Variants in TOX observed in about 807,000 individuals in gnomAD.
TOX encodes thymocyte selection-associated high mobility group box protein TOX.
In TOX, 11 loss-of-function variants were observed where a neutral mutation model predicts 53.7. That is an observed-to-expected ratio of 0.20 (90% CI 0.13 to 0.34). The LOEUF is 0.34. TOX is among the 10% of genes least tolerant of loss of function. The pLI, the probability that TOX is intolerant of heterozygous loss-of-function variation, is 1.00. For missense variants in TOX, 570 were observed against 664.6 expected (o/e 0.86, Z 1.56); for synonymous variants, 225 against 245.3 (o/e 0.92, Z 0.77).
chr8:59,046,253 T>G (rs1418946924), intron 1 of TOX, among the ~76,000 whole-genome samples: 1 of 152,168 alleles, frequency 6.6e-6, no homozygotes, highest in Non-Finnish European at 1.5e-5. Flanking sequence ...TCAATATACA[T>G]ACAATAAAAA....
Position 58,941,783 on chromosome 8 carries a change from T to G in TOX, c.169-2239A>C, listed in dbSNP as rs1812445749. On this transcript the variant is annotated intron_variant, in intron 2 of 8. Coordinates refer to ENST00000361421, the MANE Select transcript of TOX (RefSeq NM_014729.3). The stretch of plus-strand genomic sequence containing the variant: ...TTGAAACTCTCCTGGCGGGGCGCGG[T>G]GGCTCATACCTGTAATCCTAGCATT... Among the ~76,000 whole-genome samples the G allele has an allele frequency of 3.9e-5, 6 of 152,096 alleles. No individual in the cohort carries two copies. The South Asian group carries it at 1.2e-3, about 31-fold the overall frequency.
chr8:59,058,830 A>G lies in TOX; in HGVS notation c.102+60056T>C, dbSNP rs535406237. Among the ~76,000 whole-genome samples, 5 of 152,306 alleles carry G rather than the reference A, an allele frequency of 3.3e-5. No homozygotes were observed. The East Asian group carries it at 9.6e-4, about 29-fold the overall frequency. ...ACCAAGGAGCCTTTCTCTGTTTACA[A>G]TTAACAACAACAAAATATCTATTAA... On this transcript the variant is annotated intron_variant, in intron 1 of 8. Coordinates refer to ENST00000361421, the MANE Select transcript of TOX (RefSeq NM_014729.3).
chr8:59,035,017 C>T (rs906404779), intron 1 of TOX, among the ~76,000 whole-genome samples: 1 of 152,096 alleles, frequency 6.6e-6, no homozygotes, highest in African/African-American at 2.4e-5. Context: ...TCTGGAGGTG[C>T]TCTGATCCTC....
chr8:58,848,797 T>C (rs1306217811), intron 4 of TOX, among the ~76,000 whole-genome samples: 1 of 152,148 alleles, frequency 6.6e-6, no homozygotes, highest in Non-Finnish European at 1.5e-5. Context: ...ATTTACAATA[T>C]TCCTGTCTGT....
chr8:59,000,102 C>A (rs1585954194), intron 1 of TOX, among the ~76,000 whole-genome samples: 1 of 152,016 alleles, frequency 6.6e-6, no homozygotes, highest in Non-Finnish European at 1.5e-5. Context: ...TACATCATGT[C>A]TTTTTAGGGG....
chr8:58,933,079 G>A (rs543311336), intron 3 of TOX, among the ~76,000 whole-genome samples: 5 of 151,956 alleles, frequency 3.3e-5, no homozygotes, highest in East Asian at 1.9e-4. Context: ...TCTATAATGC[G>A]TCATTAGGAA....
intron 1 of TOX, among the ~76,000 whole-genome samples, chr8:59,054,928 GAAAA>G (rs1227721816): frequency 1.9e-5 from 2 of 106,230 alleles, no homozygotes; most frequent in African/African-American, 6.7e-5. Flanking sequence ...AAGAAAGAAA[GAAAA>G]AGAAAGAAAG....
At chr8:58,897,620 A>G (rs189675079) in intron 3 of TOX, among the ~76,000 whole-genome samples, 1 of 152,256 alleles carries the variant, frequency 6.6e-6, no homozygotes, top group East Asian at 1.9e-4. Flanking sequence ...TCATGAGGCT[A>G]TAGTCATTCC....
chr8:58,812,328 G>A (rs1810094657), intron 7 of TOX, among the ~76,000 whole-genome samples: 1 of 152,078 alleles, frequency 6.6e-6, no homozygotes, highest in Non-Finnish European at 1.5e-5. Context: ...CCCTGCCCTT[G>A]ACTCTGACCT....
chr8:59,093,992 G>T (rs1804668829), intron 1 of TOX, among the ~76,000 whole-genome samples: 1 of 152,020 alleles, frequency 6.6e-6, no homozygotes, highest in Non-Finnish European at 1.5e-5. Flanking sequence ...ATTAATGTAA[G>T]CCAGCAAACT....
chr8:58,840,131 C>A (rs1043585077), intron 4 of TOX, among the ~76,000 whole-genome samples: 15 of 152,148 alleles, frequency 9.9e-5, no homozygotes, highest in African/African-American at 2.9e-4. Flanking sequence ...ACCTTATAAT[C>A]AGTATGAAAG....
chr8:59,091,644 T>C (rs982668076), intron 1 of TOX, among the ~76,000 whole-genome samples: 2 of 152,192 alleles, frequency 1.3e-5, no homozygotes, highest in African/African-American at 2.4e-5. Context: ...AATTAAATAA[T>C]ACACAGAGCC....
intron 1 of TOX, among the ~76,000 whole-genome samples, chr8:59,111,722 A>G (rs2129424987): frequency 6.6e-6 from 1 of 152,336 alleles, no homozygotes; most frequent in Non-Finnish European, 1.5e-5. Flanking sequence ...GGATCAGACA[A>G]ATAACGTGTA....
intron 1 of TOX, among the ~76,000 whole-genome samples, chr8:59,019,847 A>T (rs567451182): frequency 2.6e-5 from 4 of 152,192 alleles, no homozygotes; most frequent in Non-Finnish European, 5.9e-5. Context: ...ATATTCTACA[A>T]TTCGGCCATG....
Position 58,851,181 on chromosome 8 carries a change from TCTCTCA to T in TOX, c.693+337_693+342del, listed in dbSNP as rs1200184285. 2.1e-5 allele frequency among the ~76,000 whole-genome samples: 3 copies of T among 144,244 alleles called. No individual in the cohort carries two copies. Among genetic ancestry groups the T allele is most frequent in the African/African-American group, 5.4e-5 (2 of 36,716 alleles). 94.6% of individuals were successfully genotyped at this position (144,244 alleles called of 152,430 possible). ...CTGTCTCTCTCTCTCTCTCTCTCTC[TCTCTCA>T]CACACACACACACACACACACACAC... On this transcript the variant is annotated intron_variant, in intron 4 of 8. Coordinates refer to ENST00000361421, the MANE Select transcript of TOX (RefSeq NM_014729.3). The surrounding 1 kb of genome is among the most constrained non-coding windows in gnomAD (Gnocchi z 4.4).
intron 1 of TOX, among the ~76,000 whole-genome samples, chr8:58,988,468 G>A (rs1388693477): frequency 2.0e-5 from 3 of 152,074 alleles, no homozygotes; most frequent in African/African-American, 7.2e-5. Context: ...TTTACTAGTC[G>A]GTCCTTTACA....
At position 58,857,822 on chromosome 8, in the gene TOX, T is replaced by G. The variant is rs144059127; in HGVS notation, c.412-6017A>C. ...TCTTACTCTGTCGCACAGGCTACAGTGCATTTGCACGACATTGGCTCACTG... is the reference window on the plus strand; with the variant it reads ...TCTTACTCTGTCGCACAGGCTACAGGGCATTTGCACGACATTGGCTCACTG... On this transcript the variant is annotated intron_variant, in intron 3 of 8. Transcript: ENST00000361421. 7.0e-4 allele frequency among the ~76,000 whole-genome samples: 107 copies of G among 152,302 alleles called. No individual in the cohort carries two copies. The East Asian group carries it at 0.017, about 24-fold the overall frequency.
intron 7 of TOX, among the ~76,000 whole-genome samples, chr8:58,808,713 C>T (rs750958068): frequency 3.9e-5 from 6 of 152,224 alleles, no homozygotes; most frequent in African/African-American, 7.2e-5. Flanking sequence ...TATTAGACTA[C>T]ACCTATTCAC....
chr8:59,064,940 GC>G (rs750193686), intron 1 of TOX, among the ~76,000 whole-genome samples: 4 of 152,030 alleles, frequency 2.6e-5, no homozygotes, highest in Admixed American at 6.5e-5. Flanking sequence ...TCTAAAAGGG[GC>G]CCACTTGAGG....
Sources: gnomAD v4.1 joint callset for allele counts (sites outside exome capture counted in the v4.1 genomes callset) on GRCh38, gnomAD v4.1.1 for gene constraint, Gnocchi (gnomAD v3.1) non-coding constraint, MANE v1.5 for transcripts, NCBI Gene and HGNC (gene_info 2026-07-23, HGNC 2026-07-21) for gene names.